The following TTC28 variants were observed in gnomAD, a reference collection of about 807,000 sequenced individuals.
The protein encoded by TTC28 is tetratricopeptide repeat protein 28.
Under a neutral mutation model 198.0 loss-of-function variants are expected in TTC28, and 61 were observed. The ratio of observed to expected loss-of-function variants is 0.31; its 90% CI spans 0.25 to 0.38. TTC28 has a LOEUF of 0.38. Ranked by LOEUF, TTC28 falls within the 10% of genes least tolerant of loss-of-function variation. The pLI, the probability that TTC28 is intolerant of heterozygous loss-of-function variation, is 1.00. For missense variants in TTC28, 2,678 were observed against 3,164.0 expected (o/e 0.85, Z 3.69); for synonymous variants, 1,171 against 1,297.8 (o/e 0.90, Z 2.10).
intron 2 of TTC28, among the ~76,000 whole-genome samples, chr22:28,391,736 C>T (rs546551290): frequency 1.9e-4 from 29 of 152,280 alleles, no homozygotes; most frequent in African/African-American, 5.5e-4. Flanking sequence ...TCTAGTTATA[C>T]GTTCTTCTAA....
At position 28,017,266 on chromosome 22, in the gene TTC28, T is replaced by C. The variant is rs544757603; in HGVS notation, c.4074-2874A>G. Among the ~76,000 whole-genome samples, 41 of 152,318 alleles carry C rather than the reference T, an allele frequency of 2.7e-4. No individual in the cohort carries two copies. The South Asian group carries it at 3.5e-3, about 13-fold the overall frequency. ...TGGCATCTTTTTATTGAAAATGCCA[T>C]GAGTGCCAGAGGCATCTAAGGGGCC... is the stretch of plus-strand genomic sequence containing the variant. On this transcript the variant is annotated intron_variant, in intron 13 of 22. Coordinates refer to ENST00000397906, the MANE Select transcript of TTC28 (RefSeq NM_001145418.2).
rs928539888 is a variant in TTC28 at position 27,992,710 on chromosome 22, C to G, written c.5477-47G>C. On this transcript the variant is annotated intron_variant, in intron 18 of 22. Coordinates refer to ENST00000397906, the MANE Select transcript of TTC28 (RefSeq NM_001145418.2). The stretch of plus-strand genomic sequence containing the variant: ...GAAGTTATTCAGAAGGGCCTCTGCA[C>G]CCAAAAGCCTGCCACCTTCCCAGGG... 11 of 1,522,386 alleles carry G rather than the reference C, an allele frequency of 7.2e-6. No individual in the cohort carries two copies. The African/African-American group carries it at 1.4e-4, about 19-fold the overall frequency. 94.3% of individuals were successfully genotyped at this position (1,522,386 alleles called of 1,614,324 possible).
intron 5 of TTC28, among the ~76,000 whole-genome samples, chr22:28,289,737 T>A (rs955153256): frequency 2.4e-4 from 36 of 152,172 alleles, no homozygotes; most frequent in South Asian, 6.2e-4. Context: ...TTAAAAAAAA[T>A]TTTTTTGTGC....
At chr22:28,448,763 T>C (rs1300974246) in intron 2 of TTC28, among the ~76,000 whole-genome samples, 1 of 152,056 alleles carries the variant, frequency 6.6e-6, no homozygotes, top group African/African-American at 2.4e-5. Context: ...ATGCTCCCAT[T>C]CCCCTAGCAG....
chr22:28,137,761 T>C (rs1329919727), intron 6 of TTC28, among the ~76,000 whole-genome samples: 1 of 152,084 alleles, frequency 6.6e-6, no homozygotes, highest in Non-Finnish European at 1.5e-5. Flanking sequence ...ACACCTGTAA[T>C]CCCAGCACTT....
intron 2 of TTC28, among the ~76,000 whole-genome samples, chr22:28,372,789 T>C (rs965361500): frequency 6.6e-6 from 1 of 152,148 alleles, no homozygotes; most frequent in Admixed American, 6.6e-5. Context: ...ATTTGTGCTG[T>C]AGGGGAATAA....
intron 19 of TTC28, chr22:27,992,344 A>G (rs1569071343): frequency 5.4e-6 from 3 of 554,068 alleles, no homozygotes; most frequent in Admixed American, 3.3e-5. Flanking sequence ...ACGACCTCCC[A>G]TCATGCCGGT....
At chr22:28,250,581 T>A (rs956723710) in intron 5 of TTC28, among the ~76,000 whole-genome samples, 2 of 152,182 alleles carry the variant, frequency 1.3e-5, no homozygotes, top group African/African-American at 4.8e-5. Flanking sequence ...AAGCTATGTA[T>A]ATCCTCCCTC....
chr22:28,631,139 A>G (rs142370592), intron 1 of TTC28, among the ~76,000 whole-genome samples: 91 of 152,334 alleles, frequency 6.0e-4, no homozygotes, highest in Non-Finnish European at 8.4e-4. Flanking sequence ...CTAAAAATAA[A>G]TAAATAAGTA....
At chr22:28,079,580 C>T (rs1015662441) in intron 12 of TTC28, among the ~76,000 whole-genome samples, 1 of 152,020 alleles carries the variant, frequency 6.6e-6, no homozygotes, top group African/African-American at 2.4e-5. Context: ...CTTCAGATAC[C>T]TTAATGTGAA....
intron 8 of TTC28, among the ~76,000 whole-genome samples, chr22:28,103,539 T>C (rs1407173595): frequency 6.6e-6 from 1 of 152,070 alleles, no homozygotes; most frequent in Non-Finnish European, 1.5e-5. Context: ...CAGACCTAAC[T>C]CAGAGCATTC....
At chr22:28,438,894 A>C (rs2047566897) in intron 2 of TTC28, among the ~76,000 whole-genome samples, 1 of 152,184 alleles carries the variant, frequency 6.6e-6, no homozygotes, top group Non-Finnish European at 1.5e-5. Context: ...AGAGCCTGGT[A>C]CTATGTTTTA....
chr22:28,010,332 C>T (rs945389085), intron 14 of TTC28, among the ~76,000 whole-genome samples: 2 of 152,206 alleles, frequency 1.3e-5, no homozygotes, highest in African/African-American at 4.8e-5. Context: ...ACTAGGTTGT[C>T]CTGAAGCCAG....
chr22:28,244,580 C>T (rs904728617), intron 5 of TTC28, among the ~76,000 whole-genome samples: 22 of 152,124 alleles, frequency 1.4e-4, no homozygotes, highest in African/African-American at 4.8e-4. Flanking sequence ...CTCTTGCTAT[C>T]AGGGTATAAA....
intron 2 of TTC28, among the ~76,000 whole-genome samples, chr22:28,578,583 AC>A (rs893093851): frequency 6.6e-6 from 1 of 152,170 alleles, no homozygotes; most frequent in Non-Finnish European, 1.5e-5. Context: ...CTTTATAAGA[AC>A]CAAAAATCAG....
At chr22:28,366,487 T>C (rs1030968232) in intron 2 of TTC28, among the ~76,000 whole-genome samples, 9 of 152,142 alleles carry the variant, frequency 5.9e-5, no homozygotes, top group Non-Finnish European at 1.3e-4. Context: ...GATATGCAGA[T>C]AATCACAATA....
intron 2 of TTC28, among the ~76,000 whole-genome samples, chr22:28,539,673 G>A (rs1287083739): frequency 1.3e-5 from 2 of 151,554 alleles, no homozygotes; most frequent in African/African-American, 2.4e-5. Flanking sequence ...AGAAAGAGGA[G>A]ATGGAAAGGA....
chr22:28,249,986 T>C (rs1260997475), intron 5 of TTC28, among the ~76,000 whole-genome samples: 1 of 152,156 alleles, frequency 6.6e-6, no homozygotes, highest in South Asian at 2.1e-4. Flanking sequence ...GCTACTTACA[T>C]ATAAAATTTC....
intron 2 of TTC28, among the ~76,000 whole-genome samples, chr22:28,385,084 T>C (rs972129237): frequency 4.8e-5 from 7 of 145,618 alleles, no homozygotes; most frequent in African/African-American, 1.8e-4. Flanking sequence ...GAGGTTGCAG[T>C]GAGCCGAGAT....
Sources: allele counts gnomAD v4.1 joint callset (sites outside exome capture counted in the v4.1 genomes callset), GRCh38; gene constraint gnomAD v4.1.1; transcripts MANE v1.5; gene names NCBI Gene and HGNC (gene_info 2026-07-23, HGNC 2026-07-21).